Variants in SUSD6 observed in about 807,000 individuals in gnomAD.
SUSD6 encodes the protein sushi domain-containing protein 6.
In SUSD6, 16 loss-of-function variants were observed where a neutral mutation model predicts 28.4. That is an observed-to-expected ratio of 0.56 (90% CI 0.38 to 0.86). The LOEUF is 0.86. SUSD6 is among the 40% of genes least tolerant of loss of function. The probability of loss-of-function intolerance (pLI) is 0.00; values close to 1 mark genes in which losing one functional copy is unlikely to be tolerated. For missense variants in SUSD6, 341 were observed against 384.2 expected (o/e 0.89, Z 0.94); for synonymous variants, 147 against 159.6 (o/e 0.92, Z 0.59).
Position 69,708,711 on chromosome 14 carries a change from A to C in SUSD6, c.493A>C (p.Ile165Leu). The change falls in exon 5 of 6, where the codon ATC (isoleucine) becomes CTC (leucine). Residue 165 changes from isoleucine (I) to leucine (L), a missense_variant. Transcript: ENST00000342745. ...GGGGGTATCTGGGGACCAGGTCTCC[A>C]TCATGGTGGATGGAGTCCAGGTTGC... is the stretch of plus-strand genomic sequence containing the variant. ...DQGVSGDQVS[I>L]MVDGVQVALP... 1.2e-6 allele frequency: 2 copies of C among 1,603,200 alleles called. No homozygotes were observed. The highest frequency in any genetic ancestry group is 8.5e-7 in the Non-Finnish European group (1 of 1,173,942).
At chr14:69,632,546 A>G (rs555655282) in intron 1 of SUSD6, among the ~76,000 whole-genome samples, 1 of 152,226 alleles carries the variant, frequency 6.6e-6, no homozygotes, top group Non-Finnish European at 1.5e-5. Flanking sequence ...CGTATTTGTC[A>G]TGATGTGATG....
intron 1 of SUSD6, among the ~76,000 whole-genome samples, chr14:69,648,886 T>C (rs886314936): frequency 3.3e-5 from 5 of 152,206 alleles, no homozygotes; most frequent in East Asian, 1.9e-4. Context: ...AAGTTTTTTT[T>C]CCCTCCTCTC....
chr14:69,702,979 G>C (rs1027345804), intron 2 of SUSD6, among the ~76,000 whole-genome samples: 1 of 152,264 alleles, frequency 6.6e-6, no homozygotes, highest in Admixed American at 6.5e-5. Flanking sequence ...ATACAATAGA[G>C]TCTTTTCTGA....
At chr14:69,699,113 T>G (rs1886275563) in intron 2 of SUSD6, among the ~76,000 whole-genome samples, 1 of 152,220 alleles carries the variant, frequency 6.6e-6, no homozygotes, top group Non-Finnish European at 1.5e-5. Flanking sequence ...TTCCCAGGCA[T>G]CACTGAGAGG....
intron 2 of SUSD6, among the ~76,000 whole-genome samples, chr14:69,675,756 C>G (rs1198142769): frequency 6.6e-6 from 1 of 152,088 alleles, no homozygotes; most frequent in Non-Finnish European, 1.5e-5. Context: ...CTAGGCCTTC[C>G]CATTACAAAT....
At chr14:69,695,360 A>T (rs1167658816) in intron 2 of SUSD6, among the ~76,000 whole-genome samples, 1 of 152,228 alleles carries the variant, frequency 6.6e-6, no homozygotes, top group Non-Finnish European at 1.5e-5. Context: ...GATGATCTCT[A>T]GCCCCTCACA....
intron 2 of SUSD6, among the ~76,000 whole-genome samples, chr14:69,688,675 A>G (rs1376068107): frequency 6.6e-6 from 1 of 152,154 alleles, no homozygotes; most frequent in Non-Finnish European, 1.5e-5. Context: ...GAAAACTCGC[A>G]ATGGATTTTC....
chr14:69,680,523 A>C (rs137976676), intron 2 of SUSD6, among the ~76,000 whole-genome samples: 1 of 152,190 alleles, frequency 6.6e-6, no homozygotes, highest in African/African-American at 2.4e-5. Context: ...GCATGATGCT[A>C]CTTCTCCTCT....
intron 2 of SUSD6, among the ~76,000 whole-genome samples, chr14:69,697,607 T>C (rs1886245056): frequency 6.6e-6 from 1 of 152,260 alleles, no homozygotes; most frequent in South Asian, 2.1e-4. Context: ...ATCTTCCTAA[T>C]TGGCTACTAG....
At chr14:69,615,483 G>A (rs1054530194) in intron 1 of SUSD6, 1 of 152,236 alleles carries the variant, frequency 6.6e-6, no homozygotes, top group Non-Finnish European at 1.5e-5. Context: ...TTGGGCTGAT[G>A]TGTCTGCGAT....
chr14:69,666,934 C>T (rs1024899162), intron 2 of SUSD6, among the ~76,000 whole-genome samples: 1 of 152,108 alleles, frequency 6.6e-6, no homozygotes, highest in Non-Finnish European at 1.5e-5. Flanking sequence ...AATAATTCTG[C>T]TTCATCCTTT....
chr14:69,694,877 G>A (rs1382046733), intron 2 of SUSD6, among the ~76,000 whole-genome samples: 1 of 152,162 alleles, frequency 6.6e-6, no homozygotes, highest in Non-Finnish European at 1.5e-5. Context: ...TTCCGAGGAG[G>A]GCTTAGGTTG....
chr14:69,688,240 T>C (rs1886103815), intron 2 of SUSD6, among the ~76,000 whole-genome samples: 1 of 152,258 alleles, frequency 6.6e-6, no homozygotes, highest in African/African-American at 2.4e-5. Flanking sequence ...CCTAGCAAAG[T>C]CAAGGTAATT....
At chr14:69,685,966 C>T (rs928804592) in intron 2 of SUSD6, among the ~76,000 whole-genome samples, 1 of 152,210 alleles carries the variant, frequency 6.6e-6, no homozygotes, top group Non-Finnish European at 1.5e-5. Context: ...TGAGCAGCCT[C>T]GCCAGCTCCC....
chr14:69,620,441 C>A (rs1885020454), intron 1 of SUSD6, among the ~76,000 whole-genome samples: 1 of 152,186 alleles, frequency 6.6e-6, no homozygotes, highest in South Asian at 2.1e-4. Context: ...CTGTTCTAGG[C>A]ACTAGGTATA....
At chr14:69,621,077 G>A (rs1885031013) in intron 1 of SUSD6, among the ~76,000 whole-genome samples, 1 of 152,116 alleles carries the variant, frequency 6.6e-6, no homozygotes, top group Non-Finnish European at 1.5e-5. Flanking sequence ...ACCTCTTTGG[G>A]TGGCCATCTC....
chr14:69,646,944 G>C (rs937418607), intron 1 of SUSD6, among the ~76,000 whole-genome samples: 1 of 152,008 alleles, frequency 6.6e-6, no homozygotes, highest in Non-Finnish European at 1.5e-5. Flanking sequence ...CTCGTGATCC[G>C]CCCGCCTTGG....
chr14:69,636,634 C>T (rs913180843), intron 1 of SUSD6, among the ~76,000 whole-genome samples: 2 of 152,240 alleles, frequency 1.3e-5, no homozygotes, highest in East Asian at 1.9e-4. Context: ...TGCCTCCTTT[C>T]CAGAAGAGGC....
chr14:69,658,453 C>G, intron 1 of SUSD6, 60 bp from the exon 2 acceptor site: 1 of 804,936 alleles, frequency 1.2e-6, no homozygotes, highest in Non-Finnish European at 1.9e-6. Flanking sequence ...ACCAAAGTGG[C>G]TGCTTTTAAC....
Sources: allele counts gnomAD v4.1 joint callset (sites outside exome capture counted in the v4.1 genomes callset), GRCh38; gene constraint gnomAD v4.1.1; transcripts MANE v1.5; gene names NCBI Gene and HGNC (gene_info 2026-07-23, HGNC 2026-07-21).